Variants in CAMTA1 observed in about 807,000 individuals in gnomAD.
CAMTA1 encodes the protein calmodulin binding transcription activator 1, also known as calmodulin-binding transcription activator 1.
Under a neutral mutation model 170.9 loss-of-function variants are expected in CAMTA1, and 27 were observed. The observed-to-expected ratio is 0.16, with a 90% CI of 0.12 to 0.22. The LOEUF (loss-of-function observed/expected upper bound fraction) is 0.22. CAMTA1 is among the 10% of genes least tolerant of loss of function. The pLI is 1.00. For missense variants in CAMTA1, 1,619 were observed against 2,217.2 expected (o/e 0.73, Z 5.42); for synonymous variants, 833 against 891.5 (o/e 0.93, Z 1.17).
chr1:7,613,021 G>A (rs571210752), intron 6 of CAMTA1, among the ~76,000 whole-genome samples: 7 of 152,182 alleles, frequency 4.6e-5, no homozygotes, highest in East Asian at 1.9e-4. Context: ...AGTCTTAACC[G>A]GGAGTGTGTT....
At chr1:6,854,288 T>C (rs1661466180) in intron 3 of CAMTA1, among the ~76,000 whole-genome samples, 1 of 152,242 alleles carries the variant, frequency 6.6e-6, no homozygotes. Context: ...TCACAGTTGC[T>C]TGCAATATTC....
At chr1:7,358,958 T>A (rs1193254109) in intron 5 of CAMTA1, among the ~76,000 whole-genome samples, 1 of 152,124 alleles carries the variant, frequency 6.6e-6, no homozygotes, top group Non-Finnish European at 1.5e-5. Flanking sequence ...CCCTGGAGCC[T>A]GGCAGCTTTG....
At chr1:7,340,559 T>TCCCTCCCTCCCG (rs2083739769) in intron 5 of CAMTA1, among the ~76,000 whole-genome samples, 1 of 77,644 alleles carries the variant, frequency 1.3e-5, no homozygotes, top group African/African-American at 5.2e-5. Flanking sequence ...CCTGCCTCCC[T>TCCCTCCCTCCCG]CCCTCCCTTC....
At chr1:7,350,808 G>C (rs1328135924) in intron 5 of CAMTA1, among the ~76,000 whole-genome samples, 1 of 152,222 alleles carries the variant, frequency 6.6e-6, no homozygotes, top group Non-Finnish European at 1.5e-5. Context: ...TTGTACAAAA[G>C]AGAGCACTTC....
At chr1:7,160,161 A>C (rs779739821) in intron 4 of CAMTA1, among the ~76,000 whole-genome samples, 1 of 152,142 alleles carries the variant, frequency 6.6e-6, no homozygotes, top group Non-Finnish European at 1.5e-5. Flanking sequence ...AGGCAGGAGA[A>C]TCATTTGAAC....
intron 20 of CAMTA1, 140 bp downstream of exon 20, chr1:7,751,532 G>A (rs1473377436): frequency 3.3e-6 from 2 of 610,734 alleles, no homozygotes; most frequent in Non-Finnish European, 5.3e-6. Flanking sequence ...GAACGTTTTA[G>A]GCATGGTGGC....
Position 7,674,386 on chromosome 1 carries a change from C to T in CAMTA1, c.2780-3213C>T, listed in dbSNP as rs2149252449. Among the ~76,000 whole-genome samples the T allele has an allele frequency of 6.6e-6, 1 of 152,202 alleles. No individual in the cohort carries two copies. The highest frequency in any genetic ancestry group is 1.9e-4 in the East Asian group (1 of 5,166). On this transcript the variant is annotated intron_variant, in intron 10 of 22. Transcript: ENST00000303635. The surrounding 1 kb of genome is among the most constrained non-coding windows in gnomAD (Gnocchi z 4.1). ...GAGGTGCTGGGGAAAAGAGGCGACT[C>T]AGGCTTGGGAGAAGATAGGGGAATC...
chr1:7,211,683 C>A (rs1208482632), intron 4 of CAMTA1, among the ~76,000 whole-genome samples: 2 of 152,196 alleles, frequency 1.3e-5, no homozygotes, highest in Non-Finnish European at 2.9e-5. Context: ...TTAGCTCAAT[C>A]TCTAATGAGC....
intron 1 of CAMTA1, chr1:6,807,052 C>A: frequency 1.5e-6 from 1 of 665,042 alleles, no homozygotes; most frequent in Non-Finnish European, 2.8e-6. Context: ...AATCAAGATG[C>A]CATATGAAAT....
At chr1:7,375,722 G>C (rs572412307) in intron 5 of CAMTA1, among the ~76,000 whole-genome samples, 3 of 152,238 alleles carry the variant, frequency 2.0e-5, no homozygotes, top group African/African-American at 7.2e-5. Flanking sequence ...CTGGGGCCTC[G>C]ATTCCAGGCA....
At chr1:6,822,475 T>C (rs1381623088) in intron 2 of CAMTA1, among the ~76,000 whole-genome samples, 1 of 152,158 alleles carries the variant, frequency 6.6e-6, no homozygotes, top group African/African-American at 2.4e-5. Flanking sequence ...TATAATGTAG[T>C]AGGAAAATTT....
intron 5 of CAMTA1, among the ~76,000 whole-genome samples, chr1:7,447,558 C>T (rs372856241): frequency 2.1e-4 from 32 of 152,224 alleles, no homozygotes; most frequent in African/African-American, 7.5e-4. Flanking sequence ...GTCCCTGGCT[C>T]TGCTCACCTC....
chr1:7,758,803 C>T (rs372454572), intron 22 of CAMTA1, among the ~76,000 whole-genome samples: 7 of 151,842 alleles, frequency 4.6e-5, no homozygotes, highest in Non-Finnish European at 7.4e-5. Flanking sequence ...GTTGCGGTGG[C>T]GGGCGCCTGT....
At chr1:7,470,634 A>C (rs1200296427) in intron 6 of CAMTA1, among the ~76,000 whole-genome samples, 1 of 152,130 alleles carries the variant, frequency 6.6e-6, no homozygotes, top group Non-Finnish European at 1.5e-5. Flanking sequence ...AGCCCCCTGC[A>C]GGGGGTGAGC....
intron 5 of CAMTA1, among the ~76,000 whole-genome samples, chr1:7,273,488 T>C (rs1212632518): frequency 6.6e-6 from 1 of 152,236 alleles, no homozygotes; most frequent in Non-Finnish European, 1.5e-5. Context: ...CCATATATTA[T>C]GTGATACCCT....
intron 4 of CAMTA1, among the ~76,000 whole-genome samples, chr1:7,152,797 C>G (rs925865311): frequency 6.6e-6 from 1 of 152,330 alleles, no homozygotes; most frequent in Non-Finnish European, 1.5e-5. Context: ...TTCATTTGCC[C>G]TGATTAATTT....
intron 5 of CAMTA1, among the ~76,000 whole-genome samples, chr1:7,330,162 A>G (rs2082934692): frequency 6.6e-6 from 1 of 152,196 alleles, no homozygotes; most frequent in Non-Finnish European, 1.5e-5. Flanking sequence ...ACTGAGTGCC[A>G]ACTGTTACCA....
chr1:7,013,239 G>A (rs1385200377), intron 3 of CAMTA1, among the ~76,000 whole-genome samples: 2 of 60,652 alleles, frequency 3.3e-5, no homozygotes, highest in Non-Finnish European at 6.0e-5. Context: ...TTTTGAGATA[G>A]AGTCTCGCCA....
At chr1:7,557,407 G>A (rs574971254) in intron 6 of CAMTA1, among the ~76,000 whole-genome samples, 10 of 152,216 alleles carry the variant, frequency 6.6e-5, no homozygotes, top group African/African-American at 2.4e-4. Flanking sequence ...TCCCCACCCT[G>A]AGCCTTCACT....
Sources: gnomAD v4.1 joint callset for allele counts (sites outside exome capture counted in the v4.1 genomes callset) on GRCh38, gnomAD v4.1.1 for gene constraint, Gnocchi (gnomAD v3.1) non-coding constraint, MANE v1.5 for transcripts, NCBI Gene and HGNC (gene_info 2026-07-23, HGNC 2026-07-21) for gene names.